The following NBAS variants were observed in gnomAD, a reference collection of about 807,000 sequenced individuals.
NBAS encodes the protein NBAS subunit of NRZ tethering complex.
A neutral mutation model predicts 302.5 loss-of-function variants in NBAS; 219 were observed. The ratio of observed to expected loss-of-function variants is 0.72; its 90% CI spans 0.65 to 0.81. The LOEUF is 0.81. Among genes scored for constraint, NBAS ranks in the 30% least tolerant of loss-of-function variants. The pLI is 0.00. For missense variants in NBAS, 2,932 were observed against 2,841.6 expected (o/e 1.03, Z -0.72); for synonymous variants, 1,118 against 1,021.6 (o/e 1.09, Z -1.80).
At chr2:15,096,048 G>A in the NBAS span, among the ~76,000 whole-genome samples, 1 of 152,190 alleles carries the variant, frequency 6.6e-6, no homozygotes, top group South Asian at 2.1e-4. Context: ...CACAAGGCCA[G>A]GATGTTAAGA....
chr2:15,530,313 C>T (rs1663159706), intron 9 of NBAS, among the ~76,000 whole-genome samples: 2 of 151,780 alleles, frequency 1.3e-5, no homozygotes, highest in Non-Finnish European at 2.9e-5. Context: ...TTTCTCTTTC[C>T]TTAAGAAAGA....
chr2:15,254,843 T>C lies in NBAS; in HGVS notation c.5725-16157A>G, dbSNP rs548047789. Among the ~76,000 whole-genome samples the C allele has an allele frequency of 7.9e-5, 12 of 152,312 alleles. No individual in the cohort carries two copies. In the South Asian group the frequency reaches 2.1e-3, roughly 26 times the overall value. ...CTTAGAATAATGGTCTCCAACTCCA[T>C]CCAGGTTGCTGAGAATGTCATTATT... On this transcript the variant is annotated intron_variant, in intron 44 of 51. Coordinates refer to ENST00000281513, the MANE Select transcript of NBAS (RefSeq NM_015909.4).
At chr2:15,222,824 T>C (rs1241756801) in intron 47 of NBAS, among the ~76,000 whole-genome samples, 1 of 152,214 alleles carries the variant, frequency 6.6e-6, no homozygotes, top group African/African-American at 2.4e-5. Flanking sequence ...TGGATTAAAA[T>C]TACTCAGCTA....
intron 51 of NBAS, among the ~76,000 whole-genome samples, chr2:15,169,689 G>A (rs1664206420): frequency 6.6e-6 from 1 of 152,186 alleles, no homozygotes; most frequent in African/African-American, 2.4e-5. Context: ...AAGTTCCTAT[G>A]GAGCAGAGAT....
At chr2:15,093,604 C>T in the NBAS span, among the ~76,000 whole-genome samples, 18 of 152,186 alleles carry the variant, frequency 1.2e-4, no homozygotes, top group South Asian at 3.3e-3. Flanking sequence ...GGAAATTCGC[C>T]AGCAATGTGG....
At chr2:14,940,107 C>T in the NBAS span, among the ~76,000 whole-genome samples, 2 of 152,122 alleles carry the variant, frequency 1.3e-5, no homozygotes, top group Non-Finnish European at 2.9e-5. Context: ...AGTAGCCACA[C>T]AGCACCCCAG....
chr2:15,102,028 C>T, the NBAS span, among the ~76,000 whole-genome samples: 6 of 152,308 alleles, frequency 3.9e-5, 1 homozygote, highest in East Asian at 9.7e-4. Flanking sequence ...AATGTCCTCT[C>T]CACAATGCTT....
chr2:15,455,171 G>T (rs1442453752), intron 21 of NBAS, among the ~76,000 whole-genome samples: 2 of 152,116 alleles, frequency 1.3e-5, no homozygotes, highest in African/African-American at 4.8e-5. Context: ...CCAAAGTGCT[G>T]GGATTACAGG....
chr2:15,038,099 C>T, the NBAS span, among the ~76,000 whole-genome samples: 1 of 130,160 alleles, frequency 7.7e-6, no homozygotes. Flanking sequence ...ATATATATGT[C>T]ACTGACTTTA....
chr2:14,934,900 A>G, the NBAS span, among the ~76,000 whole-genome samples: 589 of 152,280 alleles, frequency 3.9e-3, 6 homozygotes, highest in African/African-American at 0.013. Flanking sequence ...AACAATCTAT[A>G]TGATGGTATA....
chr2:15,158,310 T>C, the NBAS span, among the ~76,000 whole-genome samples: 1,074 of 151,876 alleles, frequency 7.1e-3, 9 homozygotes, highest in African/African-American at 0.024. Context: ...GGCCACGGGG[T>C]TGGGGTTGCT....
Position 15,222,446 on chromosome 2 carries a change from A to T in NBAS, c.6237-3478T>A, listed in dbSNP as rs982173472. 2.6e-5 allele frequency among the ~76,000 whole-genome samples: 4 copies of T among 152,230 alleles called. No individual in the cohort carries two copies. In the East Asian group the frequency reaches 7.7e-4, roughly 29 times the overall value. ...AGAATGTGAGGAAGCTGTTGTCATG[A>T]AGACAAGCTGGAAGTTATAATAATA... On this transcript the variant is annotated intron_variant, in intron 47 of 51. Coordinates refer to ENST00000281513, the MANE Select transcript of NBAS (RefSeq NM_015909.4).
intron 4 of NBAS, among the ~76,000 whole-genome samples, chr2:15,553,847 CCT>C (rs1337164607): frequency 7.9e-5 from 6 of 76,280 alleles, no homozygotes; most frequent in African/African-American, 3.1e-4. Context: ...TCTCCCTCTT[CCT>C]CTCTCCCTCC....
intron 31 of NBAS, among the ~76,000 whole-genome samples, chr2:15,368,285 C>T (rs1212253153): frequency 6.7e-6 from 1 of 150,034 alleles, no homozygotes; most frequent in Non-Finnish European, 1.5e-5. Context: ...CTGCAACCTC[C>T]ACCTCCCAGG....
chr2:15,100,023 T>C, the NBAS span, among the ~76,000 whole-genome samples: 7 of 152,186 alleles, frequency 4.6e-5, no homozygotes, highest in African/African-American at 1.7e-4. Flanking sequence ...TTCCAGCATA[T>C]TCAATTTTAT....
At chr2:15,554,427 T>C (rs895006781) in intron 3 of NBAS, among the ~76,000 whole-genome samples, 3 of 151,820 alleles carry the variant, frequency 2.0e-5, no homozygotes, top group African/African-American at 7.3e-5. Context: ...AGTACACTTA[T>C]ACCAACCCTT....
At chr2:14,816,707 T>C in the NBAS span, among the ~76,000 whole-genome samples, 3 of 152,208 alleles carry the variant, frequency 2.0e-5, no homozygotes, top group Non-Finnish European at 1.5e-5. Context: ...CAGCAATCCA[T>C]TGTACACTTT....
the NBAS span, among the ~76,000 whole-genome samples, chr2:15,121,262 T>C: frequency 6.6e-6 from 1 of 152,204 alleles, no homozygotes; most frequent in Non-Finnish European, 1.5e-5. Flanking sequence ...CAGTACATTG[T>C]AGTCAAATGC....
chr2:14,945,165 A>C, the NBAS span, among the ~76,000 whole-genome samples: 1 of 152,324 alleles, frequency 6.6e-6, no homozygotes, highest in South Asian at 2.1e-4. Context: ...CAGTGCAAGA[A>C]TATCCCCTTT....
Sources: gnomAD v4.1 joint callset for allele counts (sites outside exome capture counted in the v4.1 genomes callset) on GRCh38, gnomAD v4.1.1 for gene constraint, MANE v1.5 for transcripts, NCBI Gene and HGNC (gene_info 2026-07-23, HGNC 2026-07-21) for gene names.